The following UBE2E2 variants were observed in gnomAD, a reference collection of about 807,000 sequenced individuals.
The protein encoded by UBE2E2 is ubiquitin-conjugating enzyme E2 E2.
Under a neutral mutation model 24.7 loss-of-function variants are expected in UBE2E2, and 6 were observed. The ratio of observed to expected loss-of-function variants is 0.24; its 90% confidence interval spans 0.13 to 0.48. The LOEUF is 0.48. Ranked by LOEUF, UBE2E2 falls within the 20% of genes least tolerant of loss-of-function variation. UBE2E2 has a pLI of 0.99. For missense variants in UBE2E2, 169 were observed against 245.0 expected, an observed-to-expected ratio of 0.69 and a Z score of 2.07; for synonymous variants, 104 against 83.6, an observed-to-expected ratio of 1.24 and a Z score of -1.33.
chr3:23,220,379 A>T (rs1488333497), intron 3 of UBE2E2, among the ~76,000 whole-genome samples: 1 of 152,214 alleles, frequency 6.6e-6, no homozygotes, highest in African/African-American at 2.4e-5. Context: ...TCCTTTTTAA[A>T]AACATTACTC....
intron 3 of UBE2E2, among the ~76,000 whole-genome samples, chr3:23,265,112 T>C (rs535699738): frequency 3.3e-4 from 50 of 152,194 alleles, no homozygotes; most frequent in African/African-American, 1.1e-3. Context: ...GGACCAGATG[T>C]GGGAGGAGGA....
intron 3 of UBE2E2, among the ~76,000 whole-genome samples, chr3:23,462,843 T>C (rs1025468814): frequency 6.6e-6 from 1 of 152,182 alleles, no homozygotes; most frequent in East Asian, 1.9e-4. Context: ...ACCCCACTTA[T>C]CAGCATTGTG....
chr3:23,504,353 G>A (rs868496618), intron 4 of UBE2E2, among the ~76,000 whole-genome samples: 3 of 152,152 alleles, frequency 2.0e-5, no homozygotes, highest in African/African-American at 7.2e-5. Context: ...TGAACAATTA[G>A]GTTCTTCTCA....
intron 3 of UBE2E2, among the ~76,000 whole-genome samples, chr3:23,366,930 T>G (rs1376854996): frequency 6.6e-6 from 1 of 152,200 alleles, no homozygotes; most frequent in African/African-American, 2.4e-5. Flanking sequence ...AATTAGTGTT[T>G]ATTGGTATTT....
chr3:23,340,653 C>A (rs1413764775), intron 3 of UBE2E2, among the ~76,000 whole-genome samples: 3 of 152,052 alleles, frequency 2.0e-5, no homozygotes, highest in African/African-American at 7.2e-5. Flanking sequence ...AAAAAGAAAT[C>A]TTTAGCCCTG....
At chr3:23,391,267 C>A (rs977982068) in intron 3 of UBE2E2, among the ~76,000 whole-genome samples, 1 of 152,112 alleles carries the variant, frequency 6.6e-6, no homozygotes, top group Admixed American at 6.6e-5. Context: ...GCCTAAGTTG[C>A]CAGTTATATT....
chr3:23,499,138 G>A (rs1699666127), intron 3 of UBE2E2, among the ~76,000 whole-genome samples: 1 of 152,134 alleles, frequency 6.6e-6, no homozygotes, highest in Non-Finnish European at 1.5e-5. Flanking sequence ...TCCTTTGGGT[G>A]GGGAGAAAGA....
At chr3:23,432,921 CACTT>C in intron 3 of UBE2E2, among the ~76,000 whole-genome samples, 1 of 151,696 alleles carries the variant, frequency 6.6e-6, no homozygotes, top group Admixed American at 6.6e-5. Flanking sequence ...TAAGAATAGA[CACTT>C]CGATATCATG....
intron 5 of UBE2E2, among the ~76,000 whole-genome samples, chr3:23,567,190 G>C (rs916631976): frequency 6.6e-6 from 1 of 152,176 alleles, no homozygotes; most frequent in Non-Finnish European, 1.5e-5. Context: ...TATGCTTCCC[G>C]TGATGTGTTA....
chr3:23,381,356 A>G (rs186534759), intron 3 of UBE2E2, among the ~76,000 whole-genome samples: 54 of 152,320 alleles, frequency 3.5e-4, no homozygotes, highest in African/African-American at 1.1e-3. Flanking sequence ...AAATTCCAAT[A>G]AATCTATAAT....
chr3:23,358,147 A>G (rs1198608213), intron 3 of UBE2E2, among the ~76,000 whole-genome samples: 1 of 152,170 alleles, frequency 6.6e-6, no homozygotes, highest in African/African-American at 2.4e-5. Flanking sequence ...AATCTATTTT[A>G]AAAGGAAGAA....
chr3:23,262,434 C>CA (rs928942147), intron 3 of UBE2E2, among the ~76,000 whole-genome samples: 58 of 152,190 alleles, frequency 3.8e-4, no homozygotes, highest in African/African-American at 1.4e-3. Context: ...CATGCCACCA[C>CA]ACCCAGCTAA....
At chr3:23,571,545 C>T (rs1358257332) in intron 5 of UBE2E2, among the ~76,000 whole-genome samples, 2 of 151,916 alleles carry the variant, frequency 1.3e-5, no homozygotes, top group African/African-American at 2.4e-5. Context: ...ATCTCGGCCT[C>T]CCAAAGTGCT....
chr3:23,382,246 A>G (rs1178995164), intron 3 of UBE2E2, among the ~76,000 whole-genome samples: 1 of 136,408 alleles, frequency 7.3e-6, no homozygotes, highest in Non-Finnish European at 1.5e-5. Context: ...CAGTGGCGCA[A>G]TCTCGGCTCA....
At chr3:23,248,481 C>G (rs749007282) in intron 3 of UBE2E2, among the ~76,000 whole-genome samples, 2 of 152,218 alleles carry the variant, frequency 1.3e-5, no homozygotes, top group African/African-American at 4.8e-5. Context: ...TTAGAACATT[C>G]AGCACAATAA....
intron 3 of UBE2E2, among the ~76,000 whole-genome samples, chr3:23,420,005 T>C (rs769984166): frequency 1.1e-4 from 17 of 152,298 alleles, no homozygotes; most frequent in Non-Finnish European, 1.8e-4. Flanking sequence ...AGACTAGGCA[T>C]GTACATACAA....
intron 5 of UBE2E2, among the ~76,000 whole-genome samples, chr3:23,540,161 T>C (rs1695356934): frequency 6.6e-6 from 1 of 152,118 alleles, no homozygotes; most frequent in Admixed American, 6.5e-5. Flanking sequence ...ACTCCTGCAC[T>C]CAAGCAACCC....
intron 3 of UBE2E2, among the ~76,000 whole-genome samples, chr3:23,342,266 C>T (rs190729427): frequency 2.2e-4 from 33 of 151,456 alleles, no homozygotes; most frequent in Non-Finnish European, 1.6e-4. Context: ...CTCACTGCAG[C>T]CTCAAGCCCC....
intron 3 of UBE2E2, among the ~76,000 whole-genome samples, chr3:23,446,218 C>T (rs1256765449): frequency 1.3e-5 from 2 of 152,114 alleles, no homozygotes; most frequent in Non-Finnish European, 1.5e-5. Flanking sequence ...AGAAGGTCCA[C>T]CTTTTTCTTA....
Sources: gnomAD v4.1 joint callset for allele counts (sites outside exome capture counted in the v4.1 genomes callset) on GRCh38, gnomAD v4.1.1 for gene constraint, MANE v1.5 for transcripts, NCBI Gene and HGNC (gene_info 2026-07-23, HGNC 2026-07-21) for gene names.